The following KCNQ3 variants were observed in gnomAD, a reference collection of about 807,000 sequenced individuals.
KCNQ3 encodes the protein potassium voltage-gated channel subfamily Q member 3.
A neutral mutation model predicts 92.5 loss-of-function variants in KCNQ3; 30 were observed. The observed-to-expected ratio is 0.32, with a 90% confidence interval of 0.24 to 0.44. The LOEUF (loss-of-function observed/expected upper bound fraction) is 0.44, where lower values mean the gene tolerates loss of function less well. Among genes scored for constraint, KCNQ3 ranks in the 20% least tolerant of loss-of-function variants. The pLI, the probability that KCNQ3 is intolerant of heterozygous loss-of-function variation, is 1.00. For synonymous variants in KCNQ3, 450 were observed against 468.8 expected (o/e 0.96, Z 0.52); for missense variants, 913 against 1,140.3 (o/e 0.80, Z 2.87).
At chr8:132,192,801 C>A (rs776519036) in intron 1 of KCNQ3, among the ~76,000 whole-genome samples, 7 of 152,158 alleles carry the variant, frequency 4.6e-5, no homozygotes, top group Non-Finnish European at 1.0e-4. Context: ...AGGCATGCAG[C>A]ACTATGCCTG....
At chr8:132,470,044 G>A (rs1042042312) in intron 1 of KCNQ3, among the ~76,000 whole-genome samples, 11 of 151,948 alleles carry the variant, frequency 7.2e-5, no homozygotes, top group African/African-American at 2.7e-4. Flanking sequence ...TTCTATTATT[G>A]CATTTGCTAG....
At chr8:132,206,499 C>T (rs924458189) in intron 1 of KCNQ3, among the ~76,000 whole-genome samples, 1 of 152,212 alleles carries the variant, frequency 6.6e-6, no homozygotes, top group Non-Finnish European at 1.5e-5. Context: ...CATCTGTCCC[C>T]TTTCCAGACC....
chr8:132,244,647 T>G (rs1586859775), intron 1 of KCNQ3, among the ~76,000 whole-genome samples: 1 of 152,158 alleles, frequency 6.6e-6, no homozygotes, highest in South Asian at 2.1e-4. Context: ...TTTGGGAAAA[T>G]GCAGACCCAG....
At chr8:132,236,114 A>C (rs930156109) in intron 1 of KCNQ3, among the ~76,000 whole-genome samples, 1 of 152,190 alleles carries the variant, frequency 6.6e-6, no homozygotes, top group Non-Finnish European at 1.5e-5. Context: ...TGGCAGTGGG[A>C]CTGGGTAAAA....
At chr8:132,255,338 C>G (rs1473465629) in intron 1 of KCNQ3, among the ~76,000 whole-genome samples, 1 of 152,176 alleles carries the variant, frequency 6.6e-6, no homozygotes, top group Non-Finnish European at 1.5e-5. Context: ...GCAGACTTTT[C>G]CCTCAGAGAA....
At chr8:132,413,468 A>G (rs574534892) in intron 1 of KCNQ3, among the ~76,000 whole-genome samples, 11 of 152,344 alleles carry the variant, frequency 7.2e-5, no homozygotes, top group Middle Eastern at 3.4e-3. Context: ...ATTCAGCAGA[A>G]GGTTATTAAA....
At chr8:132,221,963 C>G (rs1046886273) in intron 1 of KCNQ3, among the ~76,000 whole-genome samples, 4 of 152,166 alleles carry the variant, frequency 2.6e-5, no homozygotes, top group Non-Finnish European at 4.4e-5. Flanking sequence ...CATAAAAACC[C>G]TAGAAGAAAA....
At chr8:132,420,529 G>A (rs142286211) in intron 1 of KCNQ3, among the ~76,000 whole-genome samples, 160 of 152,260 alleles carry the variant, frequency 1.1e-3, no homozygotes, top group Non-Finnish European at 1.7e-3. Flanking sequence ...GCTGACACCC[G>A]GAAGTGTGTG....
At chr8:132,429,192 G>A (rs1651868532) in intron 1 of KCNQ3, among the ~76,000 whole-genome samples, 1 of 152,210 alleles carries the variant, frequency 6.6e-6, no homozygotes, top group South Asian at 2.1e-4. Context: ...AACCACTAAT[G>A]AAGAAGTGGA....
At chr8:132,271,601 C>T (rs189509437) in intron 1 of KCNQ3, among the ~76,000 whole-genome samples, 2 of 152,010 alleles carry the variant, frequency 1.3e-5, no homozygotes, top group Admixed American at 6.6e-5. Context: ...TGTTGTTTTA[C>T]CAGTTTGTGG....
At chr8:132,147,678 A>G (rs1563772375) in intron 9 of KCNQ3, among the ~76,000 whole-genome samples, 1 of 152,168 alleles carries the variant, frequency 6.6e-6, no homozygotes, top group Non-Finnish European at 1.5e-5. Flanking sequence ...ATGGATGGAT[A>G]ATGGATATAT....
At chr8:132,260,093 C>T (rs996113723) in intron 1 of KCNQ3, among the ~76,000 whole-genome samples, 5 of 152,100 alleles carry the variant, frequency 3.3e-5, no homozygotes, top group East Asian at 1.9e-4. Flanking sequence ...TCTACAGAGT[C>T]AACATAATCA....
chr8:132,392,733 CA>C (rs1269500610), intron 1 of KCNQ3, among the ~76,000 whole-genome samples: 2 of 130,004 alleles, frequency 1.5e-5, no homozygotes, highest in African/African-American at 5.9e-5. Context: ...TAGAGGCTGT[CA>C]AGAGCCATGA....
intron 1 of KCNQ3, among the ~76,000 whole-genome samples, chr8:132,202,292 G>A (rs1827488006): frequency 6.6e-6 from 1 of 152,066 alleles, no homozygotes; most frequent in African/African-American, 2.4e-5. Context: ...ATTTTCCCAT[G>A]GTTTTGATGA....
At chr8:132,323,344 AG>A (rs1441497318) in intron 1 of KCNQ3, among the ~76,000 whole-genome samples, 1 of 152,152 alleles carries the variant, frequency 6.6e-6, no homozygotes, top group African/African-American at 2.4e-5. Flanking sequence ...GCATTTGCAA[AG>A]TTTTACTGGA....
Position 132,184,383 on chromosome 8 carries a change from T to A in KCNQ3, c.478-16A>T, listed in dbSNP as rs781487724. 12 of 1,613,780 alleles carry A rather than the reference T, an allele frequency of 7.4e-6. No homozygotes were observed. The highest frequency in any genetic ancestry group is 1.3e-5 in the African/African-American group (1 of 75,026). On this transcript the variant is annotated splice_polypyrimidine_tract_variant and intron_variant, in intron 2 of 14. Coordinates refer to ENST00000388996, the MANE Select transcript of KCNQ3 (RefSeq NM_004519.4). ...CAAATGTCTCCTGCATGGAAGAGCA[T>A]ATGGAGAGGCACTGATTAACCGAGA... is the stretch of plus-strand genomic sequence containing the variant.
At position 132,237,564 on chromosome 8, in the gene KCNQ3, C is replaced by T. The variant is rs551061688; in HGVS notation, c.387-51383G>A. On this transcript the variant is annotated intron_variant, in intron 1 of 14. Transcript: ENST00000388996. Reference sequence around the variant, plus strand: ...TGCACAGCAACCCACTTGGTGCTGGCCCAGGCTTGGCAACAGGCAAGGGCT... The same window carrying T: ...TGCACAGCAACCCACTTGGTGCTGGTCCAGGCTTGGCAACAGGCAAGGGCT... Among the ~76,000 whole-genome samples the T allele has an allele frequency of 3.0e-4, 46 of 152,102 alleles. 1 individual carries two copies. The highest frequency in any genetic ancestry group is 9.7e-4 in the African/African-American group (40 of 41,404).
At position 132,235,909 on chromosome 8, in the gene KCNQ3, C is replaced by T. The variant is rs887920839; in HGVS notation, c.387-49728G>A. Among the ~76,000 whole-genome samples, 13 of 152,126 alleles carry T rather than the reference C, an allele frequency of 8.5e-5. No homozygotes were observed. The East Asian group carries it at 2.5e-3, about 29-fold the overall frequency. ...AGTCCATTTCTTGCTAGCACTTAACCCTGTCTGAAATCATCTGACACATGA... is the reference window on the plus strand; with the variant it reads ...AGTCCATTTCTTGCTAGCACTTAACTCTGTCTGAAATCATCTGACACATGA... On this transcript the variant is annotated intron_variant, in intron 1 of 14. Coordinates refer to ENST00000388996, the MANE Select transcript of KCNQ3 (RefSeq NM_004519.4).
chr8:132,472,969 G>T (rs1263731306), intron 1 of KCNQ3, among the ~76,000 whole-genome samples: 1 of 152,154 alleles, frequency 6.6e-6, no homozygotes. Flanking sequence ...ATAAAGAAAT[G>T]GAAATTCAGG....
Sources: allele counts gnomAD v4.1 joint callset (sites outside exome capture counted in the v4.1 genomes callset), GRCh38; gene constraint gnomAD v4.1.1; transcripts MANE v1.5; gene names NCBI Gene and HGNC (gene_info 2026-07-23, HGNC 2026-07-21).